RPAP2: variants seen among roughly 807,000 people sequenced by gnomAD.
The protein encoded by RPAP2 is RNA polymerase II associated protein 2, also known as putative RNA polymerase II subunit B1 CTD phosphatase RPAP2.
RPAP2 carries 52 observed loss-of-function variants against 73.1 expected under a neutral mutation model. The ratio of observed to expected loss-of-function variants is 0.71; its 90% CI spans 0.57 to 0.90. The LOEUF is 0.90. RPAP2 is among the 40% of genes least tolerant of loss of function. The pLI is 0.00. For synonymous variants in RPAP2, 225 were observed against 242.1 expected (o/e 0.93, Z 0.65); for missense variants, 598 against 701.8 (o/e 0.85, Z 1.67).
intron 11 of RPAP2, among the ~76,000 whole-genome samples, chr1:92,348,053 G>T (rs993542638): frequency 2.0e-5 from 3 of 152,052 alleles, no homozygotes; most frequent in Non-Finnish European, 4.4e-5. Context: ...GGGATTACAG[G>T]CACCTGCCAC....
chr1:92,299,067 C>G lies in RPAP2; in HGVS notation c.-7C>G. 6.7e-7 allele frequency: 1 copy of G among 1,491,138 alleles called. No individual in the cohort carries two copies. The highest frequency in any genetic ancestry group is 1.3e-5 in the South Asian group (1 of 78,040). 92.4% of individuals were successfully genotyped at this position (1,491,138 alleles called of 1,614,324 possible). On this transcript the variant is annotated 5_prime_UTR_variant, in exon 1 of 13. Coordinates refer to ENST00000610020, the MANE Select transcript of RPAP2 (RefSeq NM_024813.3). ...GCGTGTCCCCGTCCGGCAGACTACT[C>G]TCCCCCATGGCGGACTTCGCTGGGC...
At chr1:92,300,132 G>A (rs1334993442) in intron 1 of RPAP2, 62 bp from the exon 2 acceptor site, 1 of 1,137,460 alleles carries the variant, frequency 8.8e-7, no homozygotes, top group South Asian at 1.3e-5. Flanking sequence ...ACCGCTGTCT[G>A]TATGCTGTCC....
chr1:92,397,403 T>A lies in RPAP2; in HGVS notation c.*10392T>A, dbSNP rs1571166392. 6.6e-6 allele frequency: 1 copy of A among 151,806 alleles called. No individual in the cohort carries two copies. The highest frequency in any genetic ancestry group is 2.4e-5 in the African/African-American group (1 of 41,310). 9.4% of individuals were successfully genotyped at this position (151,806 alleles called of 1,614,324 possible). On this transcript the variant is annotated 3_prime_UTR_variant, in exon 13 of 13. Transcript: ENST00000610020. ...AGACACTGTCTCAAAAATTAAAAAT[T>A]AAAAAATGAGGGAAGCTGCTGTATC...
chr1:92,339,811 T>C (rs1653503360), intron 10 of RPAP2, among the ~76,000 whole-genome samples: 2 of 152,194 alleles, frequency 1.3e-5, no homozygotes, highest in Admixed American at 6.5e-5. Context: ...TTTCCTCTTA[T>C]AAACTATTAT....
chr1:92,318,115 G>A (rs1571046429), intron 6 of RPAP2, among the ~76,000 whole-genome samples: 1 of 152,308 alleles, frequency 6.6e-6, no homozygotes, highest in Middle Eastern at 3.4e-3. Context: ...TCTACAGTCA[G>A]CGATTACAGT....
intron 10 of RPAP2, among the ~76,000 whole-genome samples, chr1:92,342,633 A>C (rs1224946370): frequency 1.3e-5 from 2 of 152,224 alleles, no homozygotes; most frequent in African/African-American, 2.4e-5. Context: ...AGAAATAGCC[A>C]GGACTATTTT....
intron 10 of RPAP2, among the ~76,000 whole-genome samples, chr1:92,337,950 C>T (rs2101255266): frequency 6.6e-6 from 1 of 152,118 alleles, no homozygotes; most frequent in East Asian, 1.9e-4. Context: ...TTTTTATTAA[C>T]CTATTCCCAA....
intron 6 of RPAP2, among the ~76,000 whole-genome samples, chr1:92,318,953 C>T (rs181134892): frequency 5.3e-5 from 8 of 151,634 alleles, no homozygotes; most frequent in Admixed American, 2.6e-4. Context: ...TAAAGGCTTA[C>T]GATGAAATGA....
chr1:92,373,739 T>TAAAAAAAAAAAA (rs59586077), intron 11 of RPAP2, among the ~76,000 whole-genome samples: 3 of 80,538 alleles, frequency 3.7e-5, no homozygotes, highest in Non-Finnish European at 7.4e-5. Flanking sequence ...CTACTAAAAA[T>TAAAAAAAAAAAA]AAAAAAAAAA....
intron 11 of RPAP2, 110 bp downstream of exon 11, chr1:92,346,024 C>G: frequency 2.9e-6 from 2 of 680,588 alleles, no homozygotes; most frequent in Non-Finnish European, 5.0e-6. Flanking sequence ...AATATCATAC[C>G]TCTATTTTGT....
chr1:92,380,699 C>T (rs974711653), intron 11 of RPAP2, 25 bp from the exon 12 acceptor site: 1 of 1,524,876 alleles, frequency 6.6e-7, no homozygotes, highest in Non-Finnish European at 8.8e-7. Flanking sequence ...CATGGATATG[C>T]ATTTAGTATT....
intron 11 of RPAP2, among the ~76,000 whole-genome samples, chr1:92,361,451 G>A (rs1654730134): frequency 6.6e-6 from 1 of 152,076 alleles, no homozygotes; most frequent in Admixed American, 6.6e-5. Flanking sequence ...TGATATTATG[G>A]ACTTATGGCA....
intron 11 of RPAP2, among the ~76,000 whole-genome samples, chr1:92,368,898 G>A (rs1396302009): frequency 6.6e-6 from 1 of 152,218 alleles, no homozygotes; most frequent in Non-Finnish European, 1.5e-5. Context: ...ATATGGTAAA[G>A]AATTGTTATA....
rs1557601411 is a variant in RPAP2, at chr1:92,323,946, C to A, written c.1026C>A (p.Ala342=). 1.9e-6 allele frequency: 3 copies of A among 1,614,076 alleles called. No homozygotes were observed. Among genetic ancestry groups the A allele is most frequent in the South Asian group, 2.2e-5 (2 of 91,064 alleles). Residue 342 remains alanine, a synonymous_variant, in exon 8 of 13, where the codon GCC becomes GCA. Transcript: ENST00000610020. ...CAGAGCATTTTAAGAGAAAATTTGC[C>A]AAATCAAACCAAGTGTCTAGGTCAG... is the stretch of plus-strand genomic sequence containing the variant. The part of the protein sequence containing the change: ...KSAEHFKRKF[A]KSNQVSRSVS...
In RPAP2 at chr1:92,336,470, T is replaced by A. The variant is rs763792895; in HGVS notation, c.1619+43T>A. 58 of 1,343,924 alleles carry A rather than the reference T, an allele frequency of 4.3e-5. 1 individual carries two copies. The East Asian group carries it at 1.3e-3, about 31-fold the overall frequency. The allele number at this position is 1,343,924 out of a possible 1,614,324, so 83.2% of individuals were successfully genotyped here. A position where few individuals can be genotyped will look rare whatever the true frequency, so the allele number is the denominator to read the frequency against. ...AATTATCCTTCTCAATTATTTTGACTTTATTTATTGCCTTGCAGAATCCAA... is the reference window on the plus strand; with the variant it reads ...AATTATCCTTCTCAATTATTTTGACATTATTTATTGCCTTGCAGAATCCAA... On this transcript the variant is annotated intron_variant, in intron 10 of 12. Coordinates refer to ENST00000610020, the MANE Select transcript of RPAP2 (RefSeq NM_024813.3).
intron 12 of RPAP2, among the ~76,000 whole-genome samples, chr1:92,384,822 C>G (rs1655796686): frequency 6.6e-6 from 1 of 152,156 alleles, no homozygotes; most frequent in African/African-American, 2.4e-5. Flanking sequence ...ACCAATCATA[C>G]TCCTCAGTCC....
rs1428336736 is a variant in RPAP2 at position 92,323,050 on chromosome 1, TTATATATATACTTTATATATATATTTATA to T, written c.525-384_525-356del. Among the ~76,000 whole-genome samples, 8 of 146,428 alleles carry T rather than the reference TTATATATATACTTTATATATATATTTATA, an allele frequency of 5.5e-5. No homozygotes were observed. In the East Asian group the frequency reaches 1.6e-3, roughly 29 times the overall value. On this transcript the variant is annotated intron_variant, in intron 7 of 12. Transcript: ENST00000610020. ...TTTATATATTTATATATCTTTATAT[TTATATATATACTTTATATATATATTTATA>T]TATATATATATATTTGCAACAACAG...
chr1:92,353,495 C>T (rs371445547), intron 11 of RPAP2, among the ~76,000 whole-genome samples: 3 of 152,132 alleles, frequency 2.0e-5, no homozygotes, highest in Non-Finnish European at 4.4e-5. Flanking sequence ...CTACTATACA[C>T]GCAAAATGAG....
chr1:92,346,594 TATCTA>T (rs1297606516), intron 11 of RPAP2, among the ~76,000 whole-genome samples: 1 of 152,242 alleles, frequency 6.6e-6, no homozygotes, highest in African/African-American at 2.4e-5. Context: ...TATTTTTACA[TATCTA>T]ATATTATTTT....
Sources: allele counts gnomAD v4.1 joint callset (sites outside exome capture counted in the v4.1 genomes callset), GRCh38; gene constraint gnomAD v4.1.1; transcripts MANE v1.5; gene names NCBI Gene and HGNC (gene_info 2026-07-23, HGNC 2026-07-21).